FLYWCH2: variants seen among roughly 807,000 people sequenced by gnomAD.
FLYWCH2 encodes the protein FLYWCH family member 2.
FLYWCH2 carries 2 observed loss-of-function variants against 6.0 expected under a neutral mutation model. The observed-to-expected ratio is 0.33, with a 90% confidence interval of 0.14 to 1.04. The LOEUF is 1.04. Among genes scored for constraint, FLYWCH2 ranks in the 50% least tolerant of loss-of-function variants. The pLI is 0.45. For missense variants in FLYWCH2, 192 were observed against 183.4 expected (o/e 1.05, Z -0.27); for synonymous variants, 87 against 79.3 (o/e 1.10, Z -0.52).
At position 2,896,775 on chromosome 16, in the gene FLYWCH2, A is replaced by C; in HGVS notation, c.322+4A>C. On this transcript the variant is annotated splice_donor_region_variant and intron_variant, in intron 3 of 3. Coordinates refer to ENST00000396958, the MANE Select transcript of FLYWCH2 (RefSeq NM_138439.3). ...AAACGGAGCAGGCAGGACCCAGGTG[A>C]GGCTCCACAGCGGCCCCCCAGGACA... 6.2e-7 allele frequency: 1 copy of C among 1,607,530 alleles called. No individual in the cohort carries two copies. Among genetic ancestry groups the C allele is most frequent in the Non-Finnish European group, 8.5e-7 (1 of 1,179,400 alleles).
At chr16:2,887,222 T>C (rs766307887) in intron 1 of FLYWCH2, among the ~76,000 whole-genome samples, 7 of 151,974 alleles carry the variant, frequency 4.6e-5, no homozygotes, top group Non-Finnish European at 8.8e-5. Context: ...CTCGGCTCAC[T>C]GCAACCTCCG....
chr16:2,885,149 C>A lies in FLYWCH2; in HGVS notation c.-200+1783C>A, dbSNP rs1012164779. Among the ~76,000 whole-genome samples the A allele has an allele frequency of 2.6e-5, 4 of 151,992 alleles. No individual in the cohort carries two copies. The South Asian group carries it at 6.2e-4, about 24-fold the overall frequency. On this transcript the variant is annotated intron_variant, in intron 1 of 3. Transcript: ENST00000396958. ...CATCCTGGCTAACACGGTGAAACCCCGTCTCTACTAAAAATACAAAAAATT... is the reference window on the plus strand; with the variant it reads ...CATCCTGGCTAACACGGTGAAACCCAGTCTCTACTAAAAATACAAAAAATT...
At chr16:2,893,035 T>C (rs1476825728) in intron 1 of FLYWCH2, among the ~76,000 whole-genome samples, 5 of 136,252 alleles carry the variant, frequency 3.7e-5, no homozygotes, top group African/African-American at 5.4e-5. Context: ...CACACACACA[T>C]ATAAATGCAG....
chr16:2,894,273 G>A (rs80245375), intron 1 of FLYWCH2, among the ~76,000 whole-genome samples: 1,619 of 152,156 alleles, frequency 0.011, 26 homozygotes, highest in African/African-American at 0.033. Context: ...CATCTTTTTT[G>A]GAGTCTGGGA....
chr16:2,884,298 C>CG (rs1039522550), intron 1 of FLYWCH2, among the ~76,000 whole-genome samples: 1 of 152,174 alleles, frequency 6.6e-6, no homozygotes, highest in African/African-American at 2.4e-5. Context: ...GTTTCTCCCC[C>CG]GTGCGTATGA....
intron 1 of FLYWCH2, among the ~76,000 whole-genome samples, chr16:2,894,485 G>C (rs79760025): frequency 0.097 from 14,809 of 152,220 alleles, 801 homozygotes; most frequent in African/African-American, 0.12. Flanking sequence ...TATGTGGTTG[G>C]GGCCTCCCGT....
Position 2,883,248 on chromosome 16 carries a change from G to A in FLYWCH2, c.-318G>A, listed in dbSNP as rs557053687. 1 of 152,420 alleles carries A rather than the reference G, an allele frequency of 6.6e-6. No homozygotes were observed. Among genetic ancestry groups the A allele is most frequent in the Non-Finnish European group, 1.5e-5 (1 of 68,068 alleles). 9.4% of individuals were successfully genotyped at this position (152,420 alleles called of 1,614,324 possible). On this transcript the variant is annotated 5_prime_UTR_variant, in exon 1 of 4. It removes an upstream start codon present in the reference 5' UTR. Transcript: ENST00000396958. ...GGGCACCCGCGGCCTTGCTGCGCAT[G>A]CTCGCGCTGTGACCCCGGCTTGAGG... is the stretch of plus-strand genomic sequence containing the variant.
chr16:2,889,667 C>G (rs960169310), intron 1 of FLYWCH2, among the ~76,000 whole-genome samples: 15 of 151,878 alleles, frequency 9.9e-5, no homozygotes, highest in African/African-American at 1.9e-4. Context: ...TTAAAAAAAA[C>G]TTTTTATTTT....
At position 2,899,119 on chromosome 16, in the gene FLYWCH2, CT is replaced by C. The variant is rs776186024; in HGVS notation, c.394del (p.Cys132AlafsTer43). The C allele has an allele frequency of 2.5e-6, 4 of 1,613,554 alleles. No individual in the cohort carries two copies. The highest frequency in any genetic ancestry group is 3.4e-6 in the Non-Finnish European group (4 of 1,179,860). ...AGGCTGCTGGGGAGAACTTTGCCCC[CT>C]GCTCTGTGGCGCCCGGCAAGTCCCT... ...PEAAGENFAPCSVAPGKSL is the reference protein window; with the variant it reads ...PEAAGENFAPXSVAPGKSL On this transcript the variant is annotated frameshift_variant, in exon 4 of 4. Transcript: ENST00000396958. LOFTEE classifies it low-confidence loss of function (END_TRUNC).
chr16:2,896,537 C>T lies in FLYWCH2; in HGVS notation c.88C>T (p.Pro30Ser). The change falls in exon 3 of 4, where the codon CCG becomes TCG. Residue 30 changes from proline (P) to serine (S), a missense_variant. Physicochemically the swap from Pro to Ser is moderately conservative, Grantham distance 74. Coordinates refer to ENST00000396958, the MANE Select transcript of FLYWCH2 (RefSeq NM_138439.3). ...PSPKPGTEVI[P>S]AAPRKPRKFS... ...CCCCAAGCCAGGCACAGAAGTCATCCCGGCAGCCCCCAGGAAGCCCAGAAA... is the reference window on the plus strand; with the variant it reads ...CCCCAAGCCAGGCACAGAAGTCATCTCGGCAGCCCCCAGGAAGCCCAGAAA... 6.2e-7 allele frequency: 1 copy of T among 1,614,166 alleles called. No individual in the cohort carries two copies. Among genetic ancestry groups the T allele is most frequent in the Non-Finnish European group, 8.5e-7 (1 of 1,180,020 alleles).
intron 3 of FLYWCH2, among the ~76,000 whole-genome samples, chr16:2,897,267 G>A (rs1016956666): frequency 6.6e-6 from 1 of 152,144 alleles, no homozygotes; most frequent in Non-Finnish European, 1.5e-5. Flanking sequence ...GAGACTCCCA[G>A]CAGACTAAGG....
chr16:2,891,679 T>C (rs1369772154), intron 1 of FLYWCH2, among the ~76,000 whole-genome samples: 1 of 151,502 alleles, frequency 6.6e-6, no homozygotes, highest in African/African-American at 2.4e-5. Context: ...GCTGGGATTA[T>C]AGGCGTGAGC....
chr16:2,884,173 A>T (rs2335461), intron 1 of FLYWCH2, among the ~76,000 whole-genome samples: 123,020 of 152,092 alleles, frequency 0.81, 50,315 homozygotes, highest in Non-Finnish European at 0.88. Flanking sequence ...CCTGTCATCT[A>T]TTAACAGCCC....
At chr16:2,895,926 C>T (rs1355355879) in intron 2 of FLYWCH2, among the ~76,000 whole-genome samples, 1 of 152,104 alleles carries the variant, frequency 6.6e-6, no homozygotes, top group Non-Finnish European at 1.5e-5. Flanking sequence ...TGTGGATCAC[C>T]CTGGCATGTC....
At chr16:2,888,640 ATCT>A (rs907620465) in intron 1 of FLYWCH2, among the ~76,000 whole-genome samples, 3 of 152,132 alleles carry the variant, frequency 2.0e-5, no homozygotes, top group African/African-American at 7.2e-5. Flanking sequence ...CAATGTCATG[ATCT>A]TCTTGGGGAA....
At chr16:2,896,282 C>A in intron 2 of FLYWCH2, 70 bp from the exon 3 acceptor site, 1 of 849,268 alleles carries the variant, frequency 1.2e-6, no homozygotes, top group Non-Finnish European at 1.7e-6. Context: ...TGCCCCACCT[C>A]CCTCCCAGAT....
chr16:2,892,149 G>C (rs535035080), intron 1 of FLYWCH2, among the ~76,000 whole-genome samples: 1 of 151,754 alleles, frequency 6.6e-6, no homozygotes, highest in Non-Finnish European at 1.5e-5. Flanking sequence ...CTGAGATTGC[G>C]ACATTGCACT....
intron 1 of FLYWCH2, among the ~76,000 whole-genome samples, chr16:2,890,323 A>G (rs1259948953): frequency 1.3e-5 from 2 of 150,844 alleles, no homozygotes; most frequent in Non-Finnish European, 2.9e-5. Context: ...ATCTTGGCTC[A>G]CTGCAACCTC....
rs1285289992 is a variant in FLYWCH2 at position 2,892,392 on chromosome 16, AG to A, written c.-199-2827del. Reference sequence around the variant, plus strand: ...ACACCAGTAATCCCAGCTACTTGTGAGTCTGAGACAGGAGAATATCTTCAAC... The same window carrying A: ...ACACCAGTAATCCCAGCTACTTGTGATCTGAGACAGGAGAATATCTTCAAC... On this transcript the variant is annotated intron_variant, in intron 1 of 3. Coordinates refer to ENST00000396958, the MANE Select transcript of FLYWCH2 (RefSeq NM_138439.3). Among the ~76,000 whole-genome samples, 14 of 152,096 alleles carry A rather than the reference AG, an allele frequency of 9.2e-5. No homozygotes were observed. The East Asian group carries it at 1.5e-3, about 17-fold the overall frequency.
Sources: allele counts gnomAD v4.1 joint callset (sites outside exome capture counted in the v4.1 genomes callset), GRCh38; gene constraint gnomAD v4.1.1; transcripts MANE v1.5; gene names NCBI Gene and HGNC (gene_info 2026-07-23, HGNC 2026-07-21).